Variants in SNTG2 observed in about 807,000 individuals in gnomAD.
SNTG2 encodes syntrophin gamma 2.
Under a neutral mutation model 70.9 loss-of-function variants are expected in SNTG2, and 74 were observed. That is an observed-to-expected ratio of 1.04 (90% CI 0.86 to 1.27). The LOEUF (loss-of-function observed/expected upper bound fraction) is 1.27, where lower values mean the gene tolerates loss of function less well. Ranked by LOEUF, SNTG2 falls within the 50% of genes most tolerant of loss-of-function variation. The probability of loss-of-function intolerance (pLI) is 0.00; values close to 1 mark genes in which losing one functional copy is unlikely to be tolerated. For synonymous variants in SNTG2, 278 were observed against 273.8 expected (o/e 1.02, Z -0.15); for missense variants, 717 against 690.7 (o/e 1.04, Z -0.43).
intron 9 of SNTG2, among the ~76,000 whole-genome samples, chr2:1,216,484 AT>A (rs1178611464): frequency 6.6e-6 from 1 of 151,780 alleles, no homozygotes; most frequent in Non-Finnish European, 1.5e-5. Flanking sequence ...GATTGCAAAA[AT>A]TTTCTCCCAT....
At chr2:968,563 T>A (rs1376740341) in intron 1 of SNTG2, among the ~76,000 whole-genome samples, 1 of 152,210 alleles carries the variant, frequency 6.6e-6, no homozygotes, top group Non-Finnish European at 1.5e-5. Flanking sequence ...TGGAGTCTTA[T>A]GTTTCTGATC....
intron 6 of SNTG2, among the ~76,000 whole-genome samples, chr2:1,155,152 TAC>T (rs531802863): frequency 0.11 from 11,658 of 110,870 alleles, 733 homozygotes; most frequent in African/African-American, 0.25. Flanking sequence ...ACACACTCCA[TAC>T]ACACACACAC....
At chr2:1,163,158 T>G (rs1269530744) in intron 6 of SNTG2, 2 of 150,660 alleles carry the variant, frequency 1.3e-5, no homozygotes, top group Non-Finnish European at 2.9e-5. Flanking sequence ...AGTGGGCGTG[T>G]GGAGCCTTCC....
chr2:1,205,910 C>T (rs1673605243), intron 8 of SNTG2, among the ~76,000 whole-genome samples: 1 of 152,046 alleles, frequency 6.6e-6, no homozygotes, highest in African/African-American at 2.4e-5. Flanking sequence ...TTTTGGGGGT[C>T]AGTTCTTTGG....
intron 1 of SNTG2, among the ~76,000 whole-genome samples, chr2:1,031,608 G>A (rs1475234774): frequency 7.0e-6 from 1 of 143,014 alleles, no homozygotes; most frequent in East Asian, 2.0e-4. Context: ...TTGGCTCACT[G>A]CAACCTCCGC....
At chr2:1,310,019 A>AT (rs1680901838) in intron 15 of SNTG2, among the ~76,000 whole-genome samples, 1 of 152,248 alleles carries the variant, frequency 6.6e-6, no homozygotes, top group Non-Finnish European at 1.5e-5. Context: ...TGAAGCAACT[A>AT]TTCAAGTGTA....
intron 6 of SNTG2, among the ~76,000 whole-genome samples, chr2:1,146,950 G>A (rs1669143287): frequency 6.6e-6 from 1 of 152,164 alleles, no homozygotes; most frequent in South Asian, 2.1e-4. Context: ...AAGCATGTTT[G>A]TGCATGTATA....
intron 4 of SNTG2, among the ~76,000 whole-genome samples, chr2:1,136,909 T>TC: frequency 6.6e-6 from 1 of 152,196 alleles, no homozygotes; most frequent in Admixed American, 6.5e-5. Flanking sequence ...CTCTGTACGT[T>TC]TGCTTATGAG....
intron 1 of SNTG2, among the ~76,000 whole-genome samples, chr2:1,012,512 T>C (rs1396789358): frequency 2.0e-5 from 3 of 151,698 alleles, no homozygotes; most frequent in African/African-American, 7.3e-5. Flanking sequence ...GATTTATTCA[T>C]AAAGGCAGAG....
At chr2:1,042,396 C>T (rs1436556936) in intron 1 of SNTG2, among the ~76,000 whole-genome samples, 10 of 151,928 alleles carry the variant, frequency 6.6e-5, no homozygotes, top group South Asian at 2.1e-4. Flanking sequence ...GTTTTAGGTT[C>T]GGGGGTACAC....
chr2:1,206,250 C>G (rs1282271640), intron 8 of SNTG2, among the ~76,000 whole-genome samples: 1 of 152,182 alleles, frequency 6.6e-6, no homozygotes, highest in East Asian at 1.9e-4. Context: ...ATGAGCAGCA[C>G]CTACCTTGAG....
intron 1 of SNTG2, among the ~76,000 whole-genome samples, chr2:1,019,652 A>C (rs1660048331): frequency 6.6e-6 from 1 of 152,190 alleles, no homozygotes; most frequent in African/African-American, 2.4e-5. Flanking sequence ...CTCTAAGTTA[A>C]TGATAGTTCC....
intron 8 of SNTG2, among the ~76,000 whole-genome samples, chr2:1,186,297 T>G (rs897560732): frequency 3.3e-5 from 5 of 152,230 alleles, no homozygotes; most frequent in African/African-American, 1.2e-4. Context: ...CTAGGAAGTT[T>G]CAAACATTCA....
rs1217537367 is a variant in SNTG2, at chr2:1,221,915, GTC to G, written c.719+12693_719+12694del. Among the ~76,000 whole-genome samples the G allele has an allele frequency of 9.4e-4, 4 of 4,246 alleles. 2 individuals carry two copies. Among genetic ancestry groups the G allele is most frequent in the Non-Finnish European group, 1.7e-3 (4 of 2,386 alleles). The allele number at this position is 4,246 out of a possible 152,430, so 2.8% of individuals were successfully genotyped here. On this transcript the variant is annotated intron_variant, in intron 9 of 16. Transcript: ENST00000308624. The stretch of plus-strand genomic sequence containing the variant: ...TGTGTCTCTCTCTGTCTCTGTCTCT[GTC>G]TCTCTCTGTCTCTCTCTGTCTCTGT...
intron 1 of SNTG2, among the ~76,000 whole-genome samples, chr2:956,095 C>T (rs1319236909): frequency 7.1e-6 from 1 of 140,844 alleles, no homozygotes; most frequent in African/African-American, 2.7e-5. Flanking sequence ...ATGCTCCGCA[C>T]CTGCCCCTAC....
chr2:1,114,036 G>GTTC (rs1666734370), intron 4 of SNTG2, among the ~76,000 whole-genome samples: 11 of 151,746 alleles, frequency 7.2e-5, no homozygotes, highest in Middle Eastern at 3.4e-3. Flanking sequence ...AGGATCGTGT[G>GTTC]TACTAAGTGA....
intron 14 of SNTG2, among the ~76,000 whole-genome samples, chr2:1,300,805 C>T (rs1342869629): frequency 6.6e-6 from 1 of 152,018 alleles, no homozygotes; most frequent in Non-Finnish European, 1.5e-5. Flanking sequence ...CTATTTAATA[C>T]CACATTTTGT....
intron 9 of SNTG2, among the ~76,000 whole-genome samples, chr2:1,235,233 A>G: frequency 7.6e-6 from 1 of 130,788 alleles, no homozygotes; most frequent in Non-Finnish European, 1.6e-5. Context: ...GATTCATGAG[A>G]GGGGGCGCCC....
chr2:1,362,958 C>T (rs13382563), intron 16 of SNTG2, among the ~76,000 whole-genome samples: 5,135 of 149,564 alleles, frequency 0.034, 270 homozygotes, highest in African/African-American at 0.12. Context: ...AGAACTTCCA[C>T]GAAAATGACT....
Sources: gnomAD v4.1 joint callset for allele counts (sites outside exome capture counted in the v4.1 genomes callset) on GRCh38, gnomAD v4.1.1 for gene constraint, MANE v1.5 for transcripts, NCBI Gene and HGNC (gene_info 2026-07-23, HGNC 2026-07-21) for gene names.